The following SGCD variants were observed in gnomAD, a reference collection of about 807,000 sequenced individuals.
SGCD encodes sarcoglycan delta.
In SGCD, 18 loss-of-function variants were observed where a neutral mutation model predicts 36.6. The observed-to-expected ratio is 0.49, with a 90% CI of 0.34 to 0.73. The LOEUF (loss-of-function observed/expected upper bound fraction) is 0.73. Among genes scored for constraint, SGCD ranks in the 30% least tolerant of loss-of-function variants. The probability of loss-of-function intolerance (pLI) is 0.01; values close to 1 mark genes in which losing one functional copy is unlikely to be tolerated. For synonymous variants in SGCD, 133 were observed against 130.6 expected (o/e 1.02, Z -0.12); for missense variants, 387 against 346.7 (o/e 1.12, Z -0.92).
chr5:156,349,107 A>G (rs1769102304), intron 3 of SGCD, among the ~76,000 whole-genome samples: 1 of 152,148 alleles, frequency 6.6e-6, no homozygotes, highest in Non-Finnish European at 1.5e-5. Context: ...CTCAAGATGG[A>G]TGAAAGACTT....
At chr5:155,907,494 G>A (rs1343899945) in intron 1 of SGCD, among the ~76,000 whole-genome samples, 1 of 152,106 alleles carries the variant, frequency 6.6e-6, no homozygotes, top group Admixed American at 6.6e-5. Context: ...ATTCATGGGA[G>A]GTGGTCAAAA....
intron 4 of SGCD, among the ~76,000 whole-genome samples, chr5:156,553,083 T>C (rs1240819775): frequency 6.6e-6 from 1 of 152,126 alleles, no homozygotes; most frequent in Non-Finnish European, 1.5e-5. Context: ...GGAGATCACA[T>C]GGTCAGAGAT....
intron 3 of SGCD, among the ~76,000 whole-genome samples, chr5:156,460,671 T>A (rs1415553205): frequency 6.6e-6 from 1 of 152,172 alleles, no homozygotes; most frequent in African/African-American, 2.4e-5. Context: ...GCTCATTTAT[T>A]TCATAGCCTG....
At chr5:155,748,262 A>G in the SGCD span, among the ~76,000 whole-genome samples, 1 of 151,938 alleles carries the variant, frequency 6.6e-6, no homozygotes, top group Non-Finnish European at 1.5e-5. Flanking sequence ...CTCCTCCTAA[A>G]TTCTTAAAGA....
chr5:156,334,587 C>T (rs1040806749), intron 2 of SGCD, among the ~76,000 whole-genome samples: 3 of 149,156 alleles, frequency 2.0e-5, no homozygotes, highest in East Asian at 1.9e-4. Context: ...TTCCCCAGCC[C>T]CTGGTACTGC....
At chr5:156,211,972 A>T (rs1764453835) in intron 3 of SGCD, among the ~76,000 whole-genome samples, 1 of 152,176 alleles carries the variant, frequency 6.6e-6, no homozygotes, top group Non-Finnish European at 1.5e-5. Context: ...TGTTTTATGT[A>T]AGCATCATTG....
intron 1 of SGCD, among the ~76,000 whole-genome samples, chr5:155,948,546 A>T (rs1757486771): frequency 6.6e-6 from 1 of 152,216 alleles, no homozygotes; most frequent in Admixed American, 6.5e-5. Context: ...GCTTCCCTAT[A>T]GCATAGCCCA....
intron 3 of SGCD, among the ~76,000 whole-genome samples, chr5:156,150,727 G>C (rs557131431): frequency 1.5e-4 from 23 of 151,796 alleles, no homozygotes; most frequent in South Asian, 4.1e-4. Flanking sequence ...ATCCATTCTT[G>C]TGAAAGAGGA....
intron 1 of SGCD, among the ~76,000 whole-genome samples, chr5:156,074,758 A>G (rs1760719396): frequency 1.3e-5 from 2 of 152,256 alleles, no homozygotes; most frequent in African/African-American, 4.8e-5. Flanking sequence ...AGAGCACTTC[A>G]CAGACTACTT....
chr5:156,158,286 C>A (rs1437528753), intron 3 of SGCD, among the ~76,000 whole-genome samples: 1 of 151,710 alleles, frequency 6.6e-6, no homozygotes, highest in Non-Finnish European at 1.5e-5. Context: ...ATCCTAGACA[C>A]TCCTTAGCCT....
chr5:156,271,362 A>C (rs904491672), intron 3 of SGCD, among the ~76,000 whole-genome samples: 3 of 152,108 alleles, frequency 2.0e-5, no homozygotes, highest in African/African-American at 7.2e-5. Context: ...GCATTGGTCT[A>C]CAGGTTCGTC....
intron 4 of SGCD, among the ~76,000 whole-genome samples, chr5:156,585,239 C>A (rs954185681): frequency 6.6e-6 from 1 of 151,970 alleles, no homozygotes; most frequent in African/African-American, 2.4e-5. Flanking sequence ...AGAAATCTAC[C>A]CAAGCATATT....
chr5:156,572,654 A>G (rs1202100479), intron 4 of SGCD, among the ~76,000 whole-genome samples: 2 of 152,188 alleles, frequency 1.3e-5, no homozygotes, highest in African/African-American at 2.4e-5. Context: ...AAGCCAAAGT[A>G]TCTGATCATA....
chr5:156,033,642 G>A (rs888411017), intron 1 of SGCD, among the ~76,000 whole-genome samples: 1 of 152,170 alleles, frequency 6.6e-6, no homozygotes, highest in African/African-American at 2.4e-5. Context: ...GGAGGTGAAA[G>A]CCAAGGCCCA....
At chr5:156,423,376 T>TTATAATATAATATATTATATTTTAA (rs1773497976) in intron 3 of SGCD, among the ~76,000 whole-genome samples, 2 of 83,572 alleles carry the variant, frequency 2.4e-5, no homozygotes, top group Non-Finnish European at 4.3e-5. Flanking sequence ...TTATATTTTA[T>TTATAATATAATATATTATATTTTAA]TATAATATAA....
chr5:156,628,399 T>C (rs1762509601), intron 6 of SGCD, among the ~76,000 whole-genome samples: 1 of 152,336 alleles, frequency 6.6e-6, no homozygotes, highest in South Asian at 2.1e-4. Flanking sequence ...GAATTTAAGA[T>C]GTAAAGGAAA....
At chr5:156,580,922 TC>T (rs2113335377) in intron 4 of SGCD, among the ~76,000 whole-genome samples, 1 of 152,328 alleles carries the variant, frequency 6.6e-6, no homozygotes, top group South Asian at 2.1e-4. Flanking sequence ...AAAGTCATTC[TC>T]CATCCCACTT....
Position 156,644,413 on chromosome 5 carries a change from G to A in SGCD, c.503-3051G>A, listed in dbSNP as rs188457541. Among the ~76,000 whole-genome samples, 337 of 152,006 alleles carry A rather than the reference G, an allele frequency of 2.2e-3. 1 individual carries two copies. The highest frequency in any genetic ancestry group is 7.8e-3 in the African/African-American group (323 of 41,496). Reference sequence around the variant, plus strand: ...TCTTTGGAGTTTTAAAGAATTACGCGTTTTTAGGGCTTTGATGTTTTAGTT... The same window carrying A: ...TCTTTGGAGTTTTAAAGAATTACGCATTTTTAGGGCTTTGATGTTTTAGTT... On this transcript the variant is annotated intron_variant, in intron 6 of 8. Coordinates refer to ENST00000337851, the MANE Select transcript of SGCD (RefSeq NM_000337.6).
At chr5:156,340,887 A>G (rs1462332116) in intron 2 of SGCD, among the ~76,000 whole-genome samples, 1 of 152,228 alleles carries the variant, frequency 6.6e-6, no homozygotes, top group Non-Finnish European at 1.5e-5. Flanking sequence ...TACTCAGCAT[A>G]TCTAAATTTC....
Sources: gnomAD v4.1 joint callset for allele counts (sites outside exome capture counted in the v4.1 genomes callset) on GRCh38, gnomAD v4.1.1 for gene constraint, MANE v1.5 for transcripts, NCBI Gene and HGNC (gene_info 2026-07-23, HGNC 2026-07-21) for gene names.